The following PCMTD1 variants were observed in gnomAD, a reference collection of about 807,000 sequenced individuals.
PCMTD1 encodes protein-L-isoaspartate O-methyltransferase domain-containing protein 1.
Under a neutral mutation model 37.6 loss-of-function variants are expected in PCMTD1, and 12 were observed. The observed-to-expected ratio is 0.32, with a 90% CI of 0.20 to 0.52. The LOEUF is 0.52. Ranked by LOEUF, PCMTD1 falls within the 20% of genes least tolerant of loss-of-function variation. The pLI is 0.97. For synonymous variants in PCMTD1, 117 were observed against 135.8 expected (o/e 0.86, Z 0.96); for missense variants, 235 against 421.3 (o/e 0.56, Z 3.87).
At chr8:51,860,619 C>A (rs960063211) in intron 2 of PCMTD1, 2 of 433,500 alleles carry the variant, frequency 4.6e-6, no homozygotes, top group African/African-American at 3.9e-5. Flanking sequence ...CAGACAATGA[C>A]TAACAGAGAA....
intron 2 of PCMTD1, among the ~76,000 whole-genome samples, chr8:51,857,503 C>T (rs547355288): frequency 1.3e-5 from 2 of 152,256 alleles, no homozygotes; most frequent in African/African-American, 2.4e-5. Context: ...CTTCGTGGTT[C>T]TGATACTCCA....
intron 2 of PCMTD1, chr8:51,848,993 C>T (rs1011258329): frequency 2.6e-5 from 4 of 151,336 alleles, no homozygotes; most frequent in Non-Finnish European, 5.9e-5. Context: ...ATGTGATATA[C>T]ACCTTGAATG....
chr8:51,827,592 G>A (rs1013545811), intron 5 of PCMTD1, among the ~76,000 whole-genome samples: 4 of 151,988 alleles, frequency 2.6e-5, no homozygotes, highest in African/African-American at 7.3e-5. Context: ...ACTATTTGCA[G>A]GCCCAGGCAT....
In PCMTD1 at chr8:51,889,341, C is replaced by T. The variant is rs181023638; in HGVS notation, c.-96+9589G>A. ...TTAATTGAGCACTTACAGCATAAAG[C>T]TTTGAGGTGTTTTAAGTATATTAAC... On this transcript the variant is annotated intron_variant, in intron 1 of 5. Transcript: ENST00000522514. 2.0e-5 allele frequency among the ~76,000 whole-genome samples: 3 copies of T among 152,250 alleles called. No individual in the cohort carries two copies. The East Asian group carries it at 5.8e-4, about 29-fold the overall frequency.
chr8:51,898,362 T>C (rs1025045755), intron 1 of PCMTD1, among the ~76,000 whole-genome samples: 11 of 152,212 alleles, frequency 7.2e-5, no homozygotes, highest in African/African-American at 2.4e-4. Flanking sequence ...GGAACGGTAG[T>C]AGACGCTCAA....
intron 2 of PCMTD1, among the ~76,000 whole-genome samples, chr8:51,854,094 C>G (rs1217342842): frequency 6.6e-6 from 1 of 152,156 alleles, no homozygotes; most frequent in Non-Finnish European, 1.5e-5. Flanking sequence ...ACTCAAAATG[C>G]TCAGAGAACC....
chr8:51,868,578 G>C (rs1417288321), intron 1 of PCMTD1, among the ~76,000 whole-genome samples: 2 of 151,972 alleles, frequency 1.3e-5, no homozygotes, highest in Non-Finnish European at 2.9e-5. Flanking sequence ...GTTATAGAGA[G>C]AGCACAGATG....
rs778876914 is a variant in PCMTD1, at chr8:51,833,565, T to C, written c.535A>G (p.Ile179Val). 3 of 1,612,952 alleles carry C rather than the reference T, an allele frequency of 1.9e-6. No individual in the cohort carries two copies. Among genetic ancestry groups the C allele is most frequent in the Non-Finnish European group, 1.7e-6 (2 of 1,179,490 alleles). The change falls in exon 4 of 6, where the codon ATA becomes GTA. Residue 179 changes from isoleucine (I) to valine (V), a missense_variant. By Grantham distance (29) the Ile-to-Val change is conservative. Around this residue, in one of 3 missense-constraint regions of PCMTD1, gnomAD observed 183 missense variants for 349.3 expected, o/e 0.52. Coordinates refer to ENST00000522514, the MANE Select transcript of PCMTD1 (RefSeq NM_052937.4). ...AATATGCCTCCAACTTTTAGTAATA[T>C]TTTCATGTAGTTTTCATGGTCTTTC... ...VQKDHENYMKILLKVGGILVM... is the reference protein window; with the variant it reads ...VQKDHENYMKVLLKVGGILVM...
intron 1 of PCMTD1, among the ~76,000 whole-genome samples, chr8:51,879,560 A>G (rs1455189642): frequency 6.6e-6 from 1 of 152,270 alleles, no homozygotes; most frequent in Non-Finnish European, 1.5e-5. Context: ...GTGAAAACTG[A>G]GTACTTACAA....
At chr8:51,848,283 T>C (rs2038253091) in intron 2 of PCMTD1, among the ~76,000 whole-genome samples, 2 of 151,658 alleles carry the variant, frequency 1.3e-5, no homozygotes, top group Non-Finnish European at 1.5e-5. Context: ...TGAGACCGTG[T>C]CTTTAAAGAG....
At chr8:51,836,590 AAAG>A (rs2038070285) in intron 3 of PCMTD1, among the ~76,000 whole-genome samples, 1 of 152,352 alleles carries the variant, frequency 6.6e-6, no homozygotes, top group South Asian at 2.1e-4. Context: ...AAATTAAAAA[AAAG>A]AAACATAAAT....
intron 2 of PCMTD1, among the ~76,000 whole-genome samples, chr8:51,853,817 T>C (rs2038343241): frequency 6.6e-6 from 1 of 152,124 alleles, no homozygotes; most frequent in African/African-American, 2.4e-5. Context: ...TTTGGTCATC[T>C]TTGTATGACC....
chr8:51,845,525 T>A lies in PCMTD1; in HGVS notation c.410+136A>T, dbSNP rs2038204781. On this transcript the variant is annotated intron_variant, in intron 3 of 5. Coordinates refer to ENST00000522514, the MANE Select transcript of PCMTD1 (RefSeq NM_052937.4). ...TTATACCACAGAATAATCTTAACTT[T>A]TTCTCATTTTATGGTGCACTGATTT... The A allele has an allele frequency of 5.5e-6, 3 of 550,416 alleles. No homozygotes were observed. The South Asian group carries it at 8.7e-5, about 16-fold the overall frequency. 34.1% of individuals were successfully genotyped at this position (550,416 alleles called of 1,614,324 possible).
chr8:51,857,289 G>A (rs988064856), intron 2 of PCMTD1, among the ~76,000 whole-genome samples: 1 of 152,192 alleles, frequency 6.6e-6, no homozygotes, highest in Non-Finnish European at 1.5e-5. Flanking sequence ...TCTCCCCAGA[G>A]TCACTCCTAT....
upstream of PCMTD1, chr8:51,899,065 G>C: frequency 6.7e-7 from 1 of 1,502,198 alleles, no homozygotes; most frequent in Non-Finnish European, 8.8e-7. Context: ...CCCGCGACTG[G>C]AGCAGCCAGA....
At chr8:51,873,029 ACTTATAAAATGG>A (rs1287475280) in intron 1 of PCMTD1, among the ~76,000 whole-genome samples, 1 of 152,230 alleles carries the variant, frequency 6.6e-6, no homozygotes, top group Non-Finnish European at 1.5e-5. Context: ...AAGTTTTTGG[ACTTATAAAATGG>A]CATCTTTCCA....
intron 2 of PCMTD1, among the ~76,000 whole-genome samples, chr8:51,851,369 A>C (rs2038304963): frequency 6.6e-6 from 1 of 152,240 alleles, no homozygotes; most frequent in South Asian, 2.1e-4. Flanking sequence ...TTGGTTTCAC[A>C]GTTACAGAGA....
chr8:51,898,981 C>T lies in PCMTD1; in HGVS notation c.-147G>A. 1.3e-6 allele frequency: 2 copies of T among 1,500,014 alleles called. No individual in the cohort carries two copies. The highest frequency in any genetic ancestry group is 8.8e-7 in the Non-Finnish European group (1 of 1,131,278). 92.9% of individuals were successfully genotyped at this position (1,500,014 alleles called of 1,614,324 possible). A position where few individuals can be genotyped will look rare whatever the true frequency, so the allele number is the denominator to read the frequency against. Reference sequence around the variant, plus strand: ...CCAGGCGCTAGGACTCGGCGGGGTCCGCAGCAGCCAGACGCCGCTACCACC... The same window carrying T: ...CCAGGCGCTAGGACTCGGCGGGGTCTGCAGCAGCCAGACGCCGCTACCACC... On this transcript the variant is annotated 5_prime_UTR_variant, in exon 1 of 6. Coordinates refer to ENST00000522514, the MANE Select transcript of PCMTD1 (RefSeq NM_052937.4).
intron 1 of PCMTD1, among the ~76,000 whole-genome samples, chr8:51,878,056 G>C (rs2038737795): frequency 6.6e-6 from 1 of 152,124 alleles, no homozygotes; most frequent in Non-Finnish European, 1.5e-5. Flanking sequence ...TGTTGTGCCA[G>C]TTCTTCTACA....
Sources: allele counts gnomAD v4.1 joint callset (sites outside exome capture counted in the v4.1 genomes callset), GRCh38; gene constraint gnomAD v4.1.1; regional missense constraint gnomAD v4.1.1; transcripts MANE v1.5; gene names NCBI Gene and HGNC (gene_info 2026-07-23, HGNC 2026-07-21).